The following CCDC83 variants were observed in gnomAD, a reference collection of about 807,000 sequenced individuals.
CCDC83 encodes coiled-coil domain-containing protein 83.
Under a neutral mutation model 50.1 loss-of-function variants are expected in CCDC83, and 54 were observed. The ratio of observed to expected loss-of-function variants is 1.08; its 90% CI spans 0.87 to 1.35. CCDC83 has a LOEUF of 1.35. CCDC83 is among the 40% of genes most tolerant of loss of function. The pLI is 0.00. For synonymous variants in CCDC83, 161 were observed against 153.3 expected (o/e 1.05, Z -0.37); for missense variants, 518 against 473.9 (o/e 1.09, Z -0.86).
At chr11:85,864,158 A>G (rs1340365889) in intron 1 of CCDC83, among the ~76,000 whole-genome samples, 1 of 152,206 alleles carries the variant, frequency 6.6e-6, no homozygotes, top group East Asian at 1.9e-4. Context: ...TTGTGTGTCT[A>G]TTGTGCTTAG....
intron 7 of CCDC83, among the ~76,000 whole-genome samples, chr11:85,900,607 A>G (rs60259549): frequency 0.018 from 2,784 of 152,304 alleles, 89 homozygotes; most frequent in African/African-American, 0.063. Context: ...TTAAATATAA[A>G]TAGACATCCA....
chr11:85,865,212 A>G lies in CCDC83; in HGVS notation c.89A>G (p.Asp30Gly), dbSNP rs1432779737. 1.3e-6 allele frequency: 2 copies of G among 1,582,494 alleles called. No homozygotes were observed. The highest frequency in any genetic ancestry group is 4.5e-5 in the East Asian group (2 of 44,712). ...CTGCCTACCAGTGAAGCACTTCTAG[A>G]CTATCAGTAAGTTTTTATTCTGAAA... ...IKLPTSEALL[D>G]YQCQIKEDAV... Residue 30 changes from aspartate to glycine, a missense_variant, in exon 2 of 11, where the codon GAC (aspartate) becomes GGC (glycine). Transcript: ENST00000342404.
chr11:85,878,432 A>G (rs928091299), intron 3 of CCDC83, among the ~76,000 whole-genome samples: 2 of 152,254 alleles, frequency 1.3e-5, no homozygotes, highest in African/African-American at 4.8e-5. Flanking sequence ...GGAATCATAC[A>G]ATAAGTAACC....
rs1235681378 is a variant in CCDC83, at chr11:85,907,073, C to A, written c.673-4208C>A. Among the ~76,000 whole-genome samples, 4 of 151,914 alleles carry A rather than the reference C, an allele frequency of 2.6e-5. 1 individual carries two copies. The highest frequency in any genetic ancestry group is 9.7e-5 in the African/African-American group (4 of 41,340). On this transcript the variant is annotated intron_variant, in intron 7 of 10. Transcript: ENST00000342404. ...AATTGAAAATTGCCTGGAAATAGAA[C>A]AATATATGTTAATTAATTTCTTTGG...
In CCDC83 at chr11:85,907,935, T is replaced by A. The variant is rs79161796; in HGVS notation, c.673-3346T>A. On this transcript the variant is annotated intron_variant, in intron 7 of 10. Transcript: ENST00000342404. ...CCAAATGTTGCATTAATTCCTTCTG[T>A]TTACAGTGTCTAACTATAGTTTTTT... is the stretch of plus-strand genomic sequence containing the variant. Among the ~76,000 whole-genome samples the A allele has an allele frequency of 8.9e-3, 1,355 of 152,328 alleles. 19 individuals carry two copies. Among genetic ancestry groups the A allele is most frequent in the African/African-American group, 0.031 (1,280 of 41,564 alleles).
At chr11:85,901,857 C>T (rs924310729) in intron 7 of CCDC83, among the ~76,000 whole-genome samples, 4 of 145,228 alleles carry the variant, frequency 2.8e-5, no homozygotes, top group Admixed American at 6.9e-5. Flanking sequence ...AGCAAGATCC[C>T]GGCTCTACAA....
intron 8 of CCDC83, among the ~76,000 whole-genome samples, chr11:85,914,270 C>T (rs1004890235): frequency 6.6e-6 from 1 of 152,178 alleles, no homozygotes; most frequent in African/African-American, 2.4e-5. Context: ...AGCTGCTAAG[C>T]GTGAAGGGTT....
intron 3 of CCDC83, among the ~76,000 whole-genome samples, chr11:85,881,760 T>C (rs942552373): frequency 3.9e-5 from 6 of 152,186 alleles, no homozygotes; most frequent in African/African-American, 1.4e-4. Context: ...TGTATGCTAA[T>C]TGTTTTTCTC....
chr11:85,863,220 A>G (rs924184899), intron 1 of CCDC83, among the ~76,000 whole-genome samples: 1 of 152,280 alleles, frequency 6.6e-6, no homozygotes, highest in African/African-American at 2.4e-5. Flanking sequence ...TTGTTTTAAA[A>G]TGAAACATTT....
intron 4 of CCDC83, among the ~76,000 whole-genome samples, chr11:85,884,428 A>T (rs1389244096): frequency 6.6e-6 from 1 of 152,186 alleles, no homozygotes; most frequent in Non-Finnish European, 1.5e-5. Context: ...CATTCTGACA[A>T]GATCCCAGGG....
Position 85,866,316 on chromosome 11 carries a change from G to T in CCDC83, c.95+1098G>T, listed in dbSNP as rs149393345. Among the ~76,000 whole-genome samples, 507 of 152,312 alleles carry T rather than the reference G, an allele frequency of 3.3e-3. 2 individuals carry two copies. Among genetic ancestry groups the T allele is most frequent in the Non-Finnish European group, 5.2e-3 (356 of 68,020 alleles). On this transcript the variant is annotated intron_variant, in intron 2 of 10. Transcript: ENST00000342404. ...CAAGTCAAGTGCTGGGTACTGGAAT[G>T]TAGCAGCAAACAGGACCACATGGTC...
In CCDC83 at chr11:85,871,170, A is replaced by AAAAC. The variant is rs578198955; in HGVS notation, c.96-2022_96-2019dup. Among the ~76,000 whole-genome samples, 774 of 148,430 alleles carry AAAAC rather than the reference A, an allele frequency of 5.2e-3. 5 individuals are homozygous for AAAAC. The highest frequency in any genetic ancestry group is 6.4e-3 in the Non-Finnish European group (424 of 65,998). ...TGACAGAGCAAGACTCTATTTCAAAAAAACAAACAAACAAACAAACAATCT... is the reference window on the plus strand; with the variant it reads ...TGACAGAGCAAGACTCTATTTCAAAAAAACAAACAAACAAACAAACAAACAATCT... On this transcript the variant is annotated intron_variant, in intron 2 of 10. Transcript: ENST00000342404.
At chr11:85,857,475 C>T (rs924910988) in intron 1 of CCDC83, among the ~76,000 whole-genome samples, 4 of 152,064 alleles carry the variant, frequency 2.6e-5, no homozygotes, top group Non-Finnish European at 5.9e-5. Flanking sequence ...TTCTGGATGT[C>T]GCTTGGGCCC....
At chr11:85,914,920 G>A (rs1264148965) in intron 8 of CCDC83, among the ~76,000 whole-genome samples, 1 of 152,218 alleles carries the variant, frequency 6.6e-6, no homozygotes, top group Admixed American at 6.5e-5. Context: ...GCAGGAAGAA[G>A]TGCAGAGCGA....
rs115165125 is a variant in CCDC83, at chr11:85,914,627, G to A, written c.795-792G>A. Among the ~76,000 whole-genome samples, 661 of 152,196 alleles carry A rather than the reference G, an allele frequency of 4.3e-3. 6 individuals carry two copies. Among genetic ancestry groups the A allele is most frequent in the African/African-American group, 0.015 (631 of 41,524 alleles). On this transcript the variant is annotated intron_variant, in intron 8 of 10. Coordinates refer to ENST00000342404, the MANE Select transcript of CCDC83 (RefSeq NM_001286159.2). ...TCCGCACCTGAAATACTACAACAGC[G>A]ACCTGACTAGTGCCATGCTCACTCT...
chr11:85,906,057 A>T (rs2135118761), intron 7 of CCDC83, among the ~76,000 whole-genome samples: 1 of 151,736 alleles, frequency 6.6e-6, no homozygotes, highest in Middle Eastern at 3.4e-3. Flanking sequence ...TAATCAAATA[A>T]CTTAACAATT....
chr11:85,893,064 T>G (rs1043458344), intron 5 of CCDC83, among the ~76,000 whole-genome samples: 1 of 152,130 alleles, frequency 6.6e-6, no homozygotes, highest in Admixed American at 6.6e-5. Flanking sequence ...TCCCTTTCTC[T>G]CTCTCTCTAC....
chr11:85,911,577 T>C (rs556278072), intron 8 of CCDC83, among the ~76,000 whole-genome samples, 175 bp downstream of exon 8: 48 of 152,336 alleles, frequency 3.2e-4, no homozygotes, highest in African/African-American at 1.1e-3. Flanking sequence ...CTATTGACCA[T>C]TGGTACAATG....
At chr11:85,862,459 A>AT (rs1211128907) in intron 1 of CCDC83, among the ~76,000 whole-genome samples, 1 of 152,152 alleles carries the variant, frequency 6.6e-6, no homozygotes, top group African/African-American at 2.4e-5. Flanking sequence ...AAAGCTGCTC[A>AT]TTTTTTTAAA....
Sources: allele counts gnomAD v4.1 joint callset (sites outside exome capture counted in the v4.1 genomes callset), GRCh38; gene constraint gnomAD v4.1.1; transcripts MANE v1.5; gene names NCBI Gene and HGNC (gene_info 2026-07-23, HGNC 2026-07-21).